The following FRMD4B variants were observed in gnomAD, a reference collection of about 807,000 sequenced individuals.
FRMD4B encodes the protein FERM domain containing 4B.
In FRMD4B, 74 loss-of-function variants were observed where a neutral mutation model predicts 141.5. That is an observed-to-expected ratio of 0.52 (90% CI 0.43 to 0.63). The LOEUF is 0.63. Ranked by LOEUF, FRMD4B falls within the 30% of genes least tolerant of loss-of-function variation. The probability of loss-of-function intolerance (pLI) is 0.00; values close to 1 mark genes in which losing one functional copy is unlikely to be tolerated. For synonymous variants in FRMD4B, 506 were observed against 467.9 expected, an observed-to-expected ratio of 1.08 and a Z score of -1.05; for missense variants, 1,366 against 1,253.4, an observed-to-expected ratio of 1.09 and a Z score of -1.36.
At chr3:69,267,636 T>TAGAG (rs55659743) in intron 5 of FRMD4B, among the ~76,000 whole-genome samples, 2 of 33,014 alleles carry the variant, frequency 6.1e-5, no homozygotes, top group Admixed American at 3.1e-4. Flanking sequence ...TATATATATA[T>TAGAG]AGAGAGAGAG....
In FRMD4B at chr3:69,383,734, A is replaced by T. The variant is rs528743874; in HGVS notation, c.162+2094T>A. On this transcript the variant is annotated intron_variant, in intron 1 of 22. Coordinates refer to ENST00000398540, the MANE Select transcript of FRMD4B (RefSeq NM_015123.3). ...GACGCTATACCTGGCTGATTTTTAA[A>T]TTTTTTGTAGAGATGGGGTCTCACT... Among the ~76,000 whole-genome samples, 9 of 152,106 alleles carry T rather than the reference A, an allele frequency of 5.9e-5. No homozygotes were observed. The East Asian group carries it at 7.8e-4, about 13-fold the overall frequency.
At chr3:69,450,669 G>A (rs960526598) in intron 1 of FRMD4B, among the ~76,000 whole-genome samples, 4 of 152,120 alleles carry the variant, frequency 2.6e-5, no homozygotes, top group African/African-American at 7.2e-5. Flanking sequence ...CAGGAGAATC[G>A]CTTGAACCCA....
chr3:69,326,473 T>C (rs1702196460), intron 1 of FRMD4B, among the ~76,000 whole-genome samples: 1 of 152,250 alleles, frequency 6.6e-6, no homozygotes, highest in Admixed American at 6.5e-5. Context: ...CCTTATCTGA[T>C]TGTGACCAGA....
At chr3:69,365,436 T>G (rs17005694) in intron 1 of FRMD4B, among the ~76,000 whole-genome samples, 33,329 of 152,062 alleles carry the variant, frequency 0.22, 4,605 homozygotes, top group African/African-American at 0.39. Flanking sequence ...TAAATCAAAG[T>G]TGCTAGCTAG....
intron 21 of FRMD4B, among the ~76,000 whole-genome samples, chr3:69,176,965 A>AGAGT (rs10662560): frequency 0.98 from 149,832 of 152,220 alleles, 73,794 homozygotes; most frequent in East Asian, 1. Flanking sequence ...TACTTGATAC[A>AGAGT]AAGTACTCAG....
At chr3:69,494,667 G>A (rs1054783281) in intron 1 of FRMD4B, among the ~76,000 whole-genome samples, 7 of 152,120 alleles carry the variant, frequency 4.6e-5, no homozygotes, top group African/African-American at 1.7e-4. Flanking sequence ...CAAGGTGGGT[G>A]GATCACCTGA....
intron 1 of FRMD4B, among the ~76,000 whole-genome samples, chr3:69,464,756 C>T (rs1178289470): frequency 1.3e-5 from 2 of 152,164 alleles, no homozygotes; most frequent in Non-Finnish European, 2.9e-5. Flanking sequence ...ATAAATTAGT[C>T]TTCAGAAAAC....
intron 1 of FRMD4B, among the ~76,000 whole-genome samples, chr3:69,480,694 T>G (rs1706105015): frequency 6.6e-6 from 1 of 152,204 alleles, no homozygotes. Flanking sequence ...CTGCCCGTTC[T>G]CAGATCTCCA....
chr3:69,318,781 T>TA (rs1701890702), intron 1 of FRMD4B, among the ~76,000 whole-genome samples: 1 of 152,188 alleles, frequency 6.6e-6, no homozygotes, highest in Admixed American at 6.5e-5. Flanking sequence ...GCCACATAAT[T>TA]AAAAAATCCA....
At chr3:69,316,348 A>G (rs770414597) in intron 1 of FRMD4B, among the ~76,000 whole-genome samples, 13 of 152,188 alleles carry the variant, frequency 8.5e-5, no homozygotes, top group Non-Finnish European at 1.5e-4. Context: ...GGCTTTTTAC[A>G]TGTATTATCT....
intron 1 of FRMD4B, among the ~76,000 whole-genome samples, chr3:69,476,971 G>C: frequency 6.6e-6 from 1 of 152,106 alleles, no homozygotes; most frequent in Non-Finnish European, 1.5e-5. Flanking sequence ...AAGCAATTGT[G>C]AATGGGAGTT....
chr3:69,538,880 C>T (rs1701123483), intron 1 of FRMD4B, among the ~76,000 whole-genome samples: 1 of 152,110 alleles, frequency 6.6e-6, no homozygotes, highest in South Asian at 2.1e-4. Context: ...AAAAGTCTTC[C>T]ATCTAAAACA....
intron 1 of FRMD4B, among the ~76,000 whole-genome samples, chr3:69,515,546 T>C (rs976398645): frequency 6.6e-6 from 1 of 152,224 alleles, no homozygotes; most frequent in African/African-American, 2.4e-5. Flanking sequence ...AATACTATTT[T>C]ATTTACTTTC....
upstream of FRMD4B, among the ~76,000 whole-genome samples, chr3:69,387,103 AG>A (rs1325904775): frequency 6.6e-6 from 1 of 152,026 alleles, no homozygotes; most frequent in African/African-American, 2.4e-5. Context: ...TGGAAAAGGG[AG>A]CTCAAGGAGT....
chr3:69,540,660 TACACACAC>T (rs1161119924), intron 1 of FRMD4B, among the ~76,000 whole-genome samples: 54 of 56,834 alleles, frequency 9.5e-4, no homozygotes, highest in African/African-American at 2.1e-3. Context: ...TATATATATA[TACACACAC>T]ACACACACAC....
intron 1 of FRMD4B, among the ~76,000 whole-genome samples, chr3:69,510,719 A>G (rs1238858469): frequency 3.3e-5 from 5 of 152,038 alleles, no homozygotes; most frequent in African/African-American, 1.2e-4. Flanking sequence ...GCAGCCCTAA[A>G]CTCCCATACA....
In FRMD4B at chr3:69,174,740, G is replaced by T. The variant is rs115106965; in HGVS notation, c.2984+1784C>A. On this transcript the variant is annotated intron_variant, in intron 22 of 22. Transcript: ENST00000398540. ...TGAGTCCAATTACAGTAGTGTTAAGGATATGAGAACTGAGTAATGCACCAA... is the reference window on the plus strand; with the variant it reads ...TGAGTCCAATTACAGTAGTGTTAAGTATATGAGAACTGAGTAATGCACCAA... Among the ~76,000 whole-genome samples, 1,263 of 152,188 alleles carry T rather than the reference G, an allele frequency of 8.3e-3. 17 individuals are homozygous for T. Among genetic ancestry groups the T allele is most frequent in the African/African-American group, 0.029 (1,206 of 41,496 alleles).
At chr3:69,387,199 T>C (rs1704278794), upstream of FRMD4B, among the ~76,000 whole-genome samples, 1 of 152,154 alleles carries the variant, frequency 6.6e-6, no homozygotes, top group African/African-American at 2.4e-5. Context: ...GACTCAATCA[T>C]AGCTCACAGC....
chr3:69,462,939 C>T (rs1705728049), intron 1 of FRMD4B, among the ~76,000 whole-genome samples: 1 of 152,234 alleles, frequency 6.6e-6, no homozygotes, highest in African/African-American at 2.4e-5. Flanking sequence ...GCTTTCTCAT[C>T]TATGATGCAC....
Sources: gnomAD v4.1 joint callset for allele counts (sites outside exome capture counted in the v4.1 genomes callset) on GRCh38, gnomAD v4.1.1 for gene constraint, MANE v1.5 for transcripts, NCBI Gene and HGNC (gene_info 2026-07-23, HGNC 2026-07-21) for gene names.